The following MTUS2 variants were observed in gnomAD, a reference collection of about 807,000 sequenced individuals.
MTUS2 encodes the protein microtubule associated scaffold protein 2.
In MTUS2, 40 loss-of-function variants were observed where a neutral mutation model predicts 114.1. That is an observed-to-expected ratio of 0.35 (90% confidence interval 0.27 to 0.46). The LOEUF (loss-of-function observed/expected upper bound fraction) is 0.46, where lower values mean the gene tolerates loss of function less well. Ranked by LOEUF, MTUS2 falls within the 20% of genes least tolerant of loss-of-function variation. The probability of loss-of-function intolerance (pLI) is 1.00; values close to 1 mark genes in which losing one functional copy is unlikely to be tolerated. For missense variants in MTUS2, 1,679 were observed against 1,705.4 expected (o/e 0.98, Z 0.27); for synonymous variants, 688 against 672.0 (o/e 1.02, Z -0.37).
intron 2 of MTUS2, among the ~76,000 whole-genome samples, chr13:28,999,346 C>T (rs1229406016): frequency 6.6e-6 from 1 of 152,302 alleles, no homozygotes; most frequent in East Asian, 1.9e-4. Context: ...CAGGGACCCA[C>T]TTGAGGAGGC....
intron 8 of MTUS2, among the ~76,000 whole-genome samples, chr13:29,363,101 GGGAC>G (rs57701674): frequency 0.31 from 47,337 of 151,610 alleles, 7,415 homozygotes; most frequent in Middle Eastern, 0.37. Context: ...GTGACTCTCA[GGGAC>G]GGACTCGCGC....
chr13:29,090,254 C>A (rs1178776270), intron 4 of MTUS2, among the ~76,000 whole-genome samples: 1 of 152,164 alleles, frequency 6.6e-6, no homozygotes, highest in Non-Finnish European at 1.5e-5. Flanking sequence ...TGAGACCAGG[C>A]TTTTGGTTTT....
intron 14 of MTUS2, among the ~76,000 whole-genome samples, chr13:29,500,228 A>G (rs1882797814): frequency 6.6e-6 from 1 of 152,234 alleles, no homozygotes; most frequent in Non-Finnish European, 1.5e-5. Flanking sequence ...TCCTGGGAGC[A>G]AAAGTGAGGG....
chr13:29,219,565 T>C (rs1895824364), intron 5 of MTUS2, among the ~76,000 whole-genome samples: 1 of 152,234 alleles, frequency 6.6e-6, no homozygotes, highest in African/African-American at 2.4e-5. Context: ...AGTTAGCCTG[T>C]CCTTTGAAGC....
chr13:29,058,713 C>T lies in MTUS2; in HGVS notation c.2446+24588C>T, dbSNP rs545252948. On this transcript the variant is annotated intron_variant, in intron 4 of 15. Coordinates refer to ENST00000612955, the MANE Select transcript of MTUS2 (RefSeq NM_001033602.4). Reference sequence around the variant, plus strand: ...TATCTCCAAATGCTATCCCTCCCCCCTCCCCCCACCCCACAACAGGCCCTG... The same window carrying T: ...TATCTCCAAATGCTATCCCTCCCCCTTCCCCCCACCCCACAACAGGCCCTG... Among the ~76,000 whole-genome samples the T allele has an allele frequency of 7.0e-5, 9 of 128,132 alleles. No individual in the cohort carries two copies. The South Asian group carries it at 2.2e-3, about 31-fold the overall frequency. 84.1% of individuals were successfully genotyped at this position (128,132 alleles called of 152,430 possible).
intron 4 of MTUS2, among the ~76,000 whole-genome samples, chr13:29,035,074 T>G (rs1033303484): frequency 6.6e-6 from 1 of 152,188 alleles, no homozygotes; most frequent in Non-Finnish European, 1.5e-5. Context: ...CAAATTCTTC[T>G]GAGGCTGGCT....
At chr13:29,105,847 G>A (rs1399687891) in intron 5 of MTUS2, among the ~76,000 whole-genome samples, 1 of 152,066 alleles carries the variant, frequency 6.6e-6, no homozygotes, top group Non-Finnish European at 1.5e-5. Flanking sequence ...AGAAGGGATT[G>A]TAAGCCAGAC....
chr13:28,968,546 T>G (rs987269347), intron 2 of MTUS2, among the ~76,000 whole-genome samples: 4 of 152,208 alleles, frequency 2.6e-5, no homozygotes, highest in Non-Finnish European at 5.9e-5. Context: ...GTTCCTGGGA[T>G]TTCAACTTAA....
chr13:29,269,804 C>T (rs754924709), intron 5 of MTUS2, among the ~76,000 whole-genome samples: 5 of 152,078 alleles, frequency 3.3e-5, no homozygotes, highest in Non-Finnish European at 7.4e-5. Context: ...GATGTGGAAA[C>T]GAATATCAAC....
intron 5 of MTUS2, among the ~76,000 whole-genome samples, chr13:29,191,777 G>C (rs1205638869): frequency 3.3e-5 from 5 of 152,156 alleles, no homozygotes; most frequent in Admixed American, 1.3e-4. Flanking sequence ...TTTCCCCTGA[G>C]TGTCTCTCCC....
At chr13:28,956,319 G>A (rs1009337622) in intron 2 of MTUS2, among the ~76,000 whole-genome samples, 1 of 152,004 alleles carries the variant, frequency 6.6e-6, no homozygotes, top group Non-Finnish European at 1.5e-5. Flanking sequence ...CCCAGCACCG[G>A]GTAGGAGTCT....
rs187692456 is a variant in MTUS2 at position 29,282,415 on chromosome 13, G to A, written c.2806+550G>A. 2.7e-3 allele frequency among the ~76,000 whole-genome samples: 413 copies of A among 152,324 alleles called. 2 individuals are homozygous for A. Among genetic ancestry groups the A allele is most frequent in the African/African-American group, 8.4e-3 (350 of 41,576 alleles). On this transcript the variant is annotated intron_variant, in intron 6 of 15. Transcript: ENST00000612955. ...CAAAACTGATCCCTGTGCCCCACCTGTGCATACCCACAAAGCTAGTGACTG... is the reference window on the plus strand; with the variant it reads ...CAAAACTGATCCCTGTGCCCCACCTATGCATACCCACAAAGCTAGTGACTG...
chr13:29,232,245 A>G (rs1035750523), intron 5 of MTUS2, among the ~76,000 whole-genome samples: 3 of 152,134 alleles, frequency 2.0e-5, no homozygotes, highest in Non-Finnish European at 4.4e-5. Context: ...ATTTCCAAAA[A>G]CAATGTGTAG....
At chr13:29,500,065 C>T (rs1052344523) in intron 14 of MTUS2, among the ~76,000 whole-genome samples, 4 of 152,062 alleles carry the variant, frequency 2.6e-5, no homozygotes, top group Non-Finnish European at 5.9e-5. Flanking sequence ...CCCATCTTCC[C>T]CCTCCTGGCT....
chr13:28,981,785 T>C (rs1437576231), intron 2 of MTUS2, among the ~76,000 whole-genome samples: 1 of 152,208 alleles, frequency 6.6e-6, no homozygotes, highest in Non-Finnish European at 1.5e-5. Flanking sequence ...GAAACTGTGG[T>C]ACTCTAACGC....
At chr13:29,312,887 G>A (rs1055091677) in intron 6 of MTUS2, among the ~76,000 whole-genome samples, 2 of 152,184 alleles carry the variant, frequency 1.3e-5, no homozygotes, top group African/African-American at 4.8e-5. Flanking sequence ...TGTGGGGATA[G>A]AGAGGTACTA....
chr13:29,027,846 C>T (rs1018466806), intron 3 of MTUS2, among the ~76,000 whole-genome samples: 1 of 152,238 alleles, frequency 6.6e-6, no homozygotes, highest in South Asian at 2.1e-4. Flanking sequence ...GCCGGTATTG[C>T]AGTTTTTATC....
chr13:29,256,989 T>C (rs1383730276), intron 5 of MTUS2, among the ~76,000 whole-genome samples: 1 of 152,136 alleles, frequency 6.6e-6, no homozygotes, highest in Non-Finnish European at 1.5e-5. Flanking sequence ...TGTTGCAAAA[T>C]AAAAGGTGGA....
intron 2 of MTUS2, among the ~76,000 whole-genome samples, chr13:28,966,201 T>C (rs1380448689): frequency 6.6e-6 from 1 of 152,344 alleles, no homozygotes; most frequent in South Asian, 2.1e-4. Flanking sequence ...ATTAAAGATA[T>C]GACCTCCCCC....
Sources: gnomAD v4.1 joint callset for allele counts (sites outside exome capture counted in the v4.1 genomes callset) on GRCh38, gnomAD v4.1.1 for gene constraint, MANE v1.5 for transcripts, NCBI Gene and HGNC (gene_info 2026-07-23, HGNC 2026-07-21) for gene names.